Variants in PRKN observed in about 807,000 individuals in gnomAD.
The protein encoded by PRKN is E3 ubiquitin-protein ligase parkin.
In PRKN, 56 loss-of-function variants were observed where a neutral mutation model predicts 59.5. The ratio of observed to expected loss-of-function variants is 0.94; its 90% CI spans 0.76 to 1.18. PRKN has a LOEUF of 1.18. Ranked by LOEUF, PRKN falls within the 50% of genes most tolerant of loss-of-function variation. The pLI is 0.00. For missense variants in PRKN, 657 were observed against 596.4 expected (o/e 1.10, Z -1.06); for synonymous variants, 250 against 222.1 (o/e 1.13, Z -1.12).
chr6:161,385,213 C>T lies in PRKN; in HGVS notation c.1167+1581G>A, dbSNP rs892766147. Among the ~76,000 whole-genome samples, 1 of 152,188 alleles carries T rather than the reference C, an allele frequency of 6.6e-6. No homozygotes were observed. Among genetic ancestry groups the T allele is most frequent in the African/African-American group, 2.4e-5 (1 of 41,440 alleles). On this transcript the variant is annotated intron_variant, in intron 10 of 11. Transcript: ENST00000366898. The surrounding 1 kb of genome is among the most constrained non-coding windows in gnomAD (Gnocchi z 4.9). ...AAAGTGCTGGGATTACAGGCATAAG[C>T]CACCTCGCCCGGCCGGGAAATATAC...
At chr6:162,640,459 GC>G (rs1206448621) in intron 1 of PRKN, among the ~76,000 whole-genome samples, 1 of 152,096 alleles carries the variant, frequency 6.6e-6, no homozygotes, top group Non-Finnish European at 1.5e-5. Flanking sequence ...ATGTTTCACT[GC>G]AGTTTACCAA....
chr6:162,674,463 T>TA (rs1204524423), intron 1 of PRKN, among the ~76,000 whole-genome samples: 1 of 152,134 alleles, frequency 6.6e-6, no homozygotes, highest in East Asian at 1.9e-4. Flanking sequence ...AAGTAGGGAA[T>TA]AATGGTATTG....
At chr6:162,176,245 A>T (rs1478069340) in intron 4 of PRKN, among the ~76,000 whole-genome samples, 1 of 152,202 alleles carries the variant, frequency 6.6e-6, no homozygotes, top group Admixed American at 6.5e-5. Context: ...CAAGAAAATT[A>T]TGTAGAATTT....
Position 161,359,393 on chromosome 6 carries a change from G to C in PRKN, c.1285+695C>G, listed in dbSNP as rs973160869. Reference sequence around the variant, plus strand: ...CCCGCAAGTCAGCTCTGGGCAACCTGCCAGCCAGGGCGTAGCTGATGCTCA... The same window carrying C: ...CCCGCAAGTCAGCTCTGGGCAACCTCCCAGCCAGGGCGTAGCTGATGCTCA... On this transcript the variant is annotated intron_variant, in intron 11 of 11. Transcript: ENST00000366898. This position sits in a 1 kb window ranked among gnomAD's most constrained non-coding sequence, Gnocchi z 5.4. Among the ~76,000 whole-genome samples the C allele has an allele frequency of 6.6e-6, 1 of 152,250 alleles. No homozygotes were observed. The highest frequency in any genetic ancestry group is 2.4e-5 in the African/African-American group (1 of 41,460).
chr6:162,188,967 A>C (rs1376566696), intron 4 of PRKN, among the ~76,000 whole-genome samples: 2 of 152,242 alleles, frequency 1.3e-5, no homozygotes, highest in Non-Finnish European at 2.9e-5. Flanking sequence ...TATCTTCTAT[A>C]GGAGGGAATT....
intron 9 of PRKN, among the ~76,000 whole-genome samples, chr6:161,516,129 C>T (rs570373788): frequency 2.0e-5 from 3 of 152,194 alleles, no homozygotes; most frequent in African/African-American, 7.2e-5. Context: ...CAGTTCATTC[C>T]TAGTGTTTCC....
Position 161,462,833 on chromosome 6 carries a change from T to C in PRKN, c.1084-75956A>G, listed in dbSNP as rs528702509. On this transcript the variant is annotated intron_variant, in intron 9 of 11. Coordinates refer to ENST00000366898, the MANE Select transcript of PRKN (RefSeq NM_004562.3). This position sits in a 1 kb window ranked among gnomAD's most constrained non-coding sequence, Gnocchi z 4.5. ...ATACTTTAAATAATCCATGATTTTTTTGTTCTAAACTGGCTTAATAGGTCT... is the reference window on the plus strand; with the variant it reads ...ATACTTTAAATAATCCATGATTTTTCTGTTCTAAACTGGCTTAATAGGTCT... Among the ~76,000 whole-genome samples the C allele has an allele frequency of 2.7e-4, 41 of 152,316 alleles. No individual in the cohort carries two copies. Among genetic ancestry groups the C allele is most frequent in the African/African-American group, 8.7e-4 (36 of 41,566 alleles).
Position 161,396,046 on chromosome 6 carries a change from C to T in PRKN, c.1084-9169G>A, listed in dbSNP as rs1419608506. On this transcript the variant is annotated intron_variant, in intron 9 of 11. Coordinates refer to ENST00000366898, the MANE Select transcript of PRKN (RefSeq NM_004562.3). This position sits in a 1 kb window ranked among gnomAD's most constrained non-coding sequence, Gnocchi z 5.4. ...TTTGCAGACTTGGCTCTCAGTGACG[C>T]TTGCCAGGTGACCTGACTGCAGCAG... Among the ~76,000 whole-genome samples the T allele has an allele frequency of 6.6e-6, 1 of 152,158 alleles. No individual in the cohort carries two copies. The highest frequency in any genetic ancestry group is 1.9e-4 in the East Asian group (1 of 5,198).
chr6:162,057,415 C>G (rs1777910477), intron 4 of PRKN, among the ~76,000 whole-genome samples: 1 of 152,100 alleles, frequency 6.6e-6, no homozygotes, highest in African/African-American at 2.4e-5. Flanking sequence ...CTGATGAATT[C>G]CCTGACCTGC....
At position 161,738,340 on chromosome 6, in the gene PRKN, G is replaced by GC. The variant is rs111460248; in HGVS notation, c.871+47431dup. Among the ~76,000 whole-genome samples the GC allele has an allele frequency of 9.2e-3, 1,397 of 152,212 alleles. 24 individuals are homozygous for GC. The highest frequency in any genetic ancestry group is 0.032 in the African/African-American group (1,344 of 41,532). On this transcript the variant is annotated intron_variant, in intron 7 of 11. Coordinates refer to ENST00000366898, the MANE Select transcript of PRKN (RefSeq NM_004562.3). ...TCGGATGTCAGGAAGGACCAGGGGT[G>GC]CTCCCGTCATCTTTAAAATCTTCCA... is the stretch of plus-strand genomic sequence containing the variant.
intron 5 of PRKN, among the ~76,000 whole-genome samples, chr6:161,989,428 C>T (rs1342669021): frequency 2.0e-5 from 3 of 152,114 alleles, no homozygotes; most frequent in Admixed American, 2.0e-4. Context: ...GGTCAACCTA[C>T]CATACCTGTT....
chr6:161,519,264 C>T (rs917376200), intron 9 of PRKN, among the ~76,000 whole-genome samples: 1 of 152,100 alleles, frequency 6.6e-6, no homozygotes, highest in Non-Finnish European at 1.5e-5. Flanking sequence ...CCTTTAAATA[C>T]CTCTGGCAGG....
In PRKN at chr6:161,397,234, T is replaced by C. The variant is rs574481835; in HGVS notation, c.1084-10357A>G. Among the ~76,000 whole-genome samples the C allele has an allele frequency of 1.3e-5, 2 of 152,210 alleles. No homozygotes were observed. Among genetic ancestry groups the C allele is most frequent in the Non-Finnish European group, 2.9e-5 (2 of 68,048 alleles). On this transcript the variant is annotated intron_variant, in intron 9 of 11. Transcript: ENST00000366898. The surrounding 1 kb of genome is among the most constrained non-coding windows in gnomAD (Gnocchi z 4.2). ...ATAGTAGGTGATCAGTGTCTCTTTGTGGCAATCCAGGTGCTGGAGTCAAGT... is the reference window on the plus strand; with the variant it reads ...ATAGTAGGTGATCAGTGTCTCTTTGCGGCAATCCAGGTGCTGGAGTCAAGT...
At chr6:162,612,630 A>C (rs1172996347) in intron 1 of PRKN, among the ~76,000 whole-genome samples, 6 of 151,554 alleles carry the variant, frequency 4.0e-5, no homozygotes, top group Admixed American at 2.0e-4. Flanking sequence ...AGCAAAAAAC[A>C]AAACCAAACC....
chr6:162,652,898 T>C (rs1778499756), intron 1 of PRKN, among the ~76,000 whole-genome samples: 1 of 152,194 alleles, frequency 6.6e-6, no homozygotes, highest in Non-Finnish European at 1.5e-5. Context: ...TTTTCATCAG[T>C]ATTCTGAGCA....
chr6:161,777,889 T>C (rs1790023430), intron 7 of PRKN, among the ~76,000 whole-genome samples: 1 of 130,740 alleles, frequency 7.6e-6, no homozygotes, highest in Admixed American at 7.7e-5. Flanking sequence ...TATATGTATA[T>C]ATATGTATAC....
In PRKN at chr6:161,513,119, C is replaced by T. The variant is rs747693480; in HGVS notation, c.1083+35735G>A. On this transcript the variant is annotated intron_variant, in intron 9 of 11. Transcript: ENST00000366898. The stretch of plus-strand genomic sequence containing the variant: ...AGATGTTTAGGAGTTTCCTATTTGG[C>T]GACTCATGAAAATGATAGACTGGTT... Among the ~76,000 whole-genome samples the T allele has an allele frequency of 7.2e-5, 11 of 152,160 alleles. No homozygotes were observed. The East Asian group carries it at 1.3e-3, about 19-fold the overall frequency.
intron 6 of PRKN, among the ~76,000 whole-genome samples, chr6:161,960,288 GTC>G (rs1437954320): frequency 6.6e-6 from 1 of 152,240 alleles, no homozygotes; most frequent in Non-Finnish European, 1.5e-5. Context: ...TGTACACACA[GTC>G]TGGCTTCAAA....
intron 4 of PRKN, among the ~76,000 whole-genome samples, chr6:162,128,334 T>C (rs1781202732): frequency 6.6e-6 from 1 of 152,174 alleles, no homozygotes. Flanking sequence ...GTTTTGCATA[T>C]ATTTGTGTTT....
Sources: gnomAD v4.1 joint callset for allele counts (sites outside exome capture counted in the v4.1 genomes callset) on GRCh38, gnomAD v4.1.1 for gene constraint, Gnocchi (gnomAD v3.1) non-coding constraint, MANE v1.5 for transcripts, NCBI Gene and HGNC (gene_info 2026-07-23, HGNC 2026-07-21) for gene names.